Variants in PUDP observed in about 807,000 individuals in gnomAD.
The protein encoded by PUDP is pseudouridine-5'-phosphatase.
In PUDP, 8 loss-of-function variants were observed where a neutral mutation model predicts 9.4. The observed-to-expected ratio is 0.85, with a 90% CI of 0.50 to 1.53. PUDP has a LOEUF of 1.53. Among genes scored for constraint, PUDP ranks in the 40% most tolerant of loss-of-function variants. The pLI is 0.00. For missense variants in PUDP, 188 were observed against 189.7 expected, an observed-to-expected ratio of 0.99 and a Z score of 0.05; for synonymous variants, 99 against 80.7, an observed-to-expected ratio of 1.23 and a Z score of -1.22.
chrX:6,787,725 C>G (rs1378331802), intron 3 of PUDP, among the ~76,000 whole-genome samples: 1 of 112,158 alleles, frequency 8.9e-6, no homozygotes, highest in Admixed American at 9.5e-5. Context: ...TCATTAATTA[C>G]TTTCTTTTAA....
chrX:7,021,655 A>G (rs940723479), intron 1 of PUDP, among the ~76,000 whole-genome samples: 4 of 112,115 alleles, frequency 3.6e-5, no homozygotes, highest in African/African-American at 1.3e-4. Context: ...TATGGATATG[A>G]GTATGTCATA....
chrX:6,925,134 G>C (rs1177095992), intron 3 of PUDP, among the ~76,000 whole-genome samples: 1 of 112,430 alleles, frequency 8.9e-6, no homozygotes, highest in Non-Finnish European at 1.9e-5. Flanking sequence ...GGCCAACATA[G>C]CAAAACCTTG....
At chrX:6,737,505 A>G (rs1191092859) in intron 3 of PUDP, among the ~76,000 whole-genome samples, 2 of 106,726 alleles carry the variant, frequency 1.9e-5, no homozygotes, top group Non-Finnish European at 3.9e-5. Flanking sequence ...ACTCTGGGAG[A>G]GCTTTGCAGT....
At chrX:7,071,961 T>C (rs1334594515) in intron 3 of PUDP, among the ~76,000 whole-genome samples, 3 of 110,220 alleles carry the variant, frequency 2.7e-5, no homozygotes, top group African/African-American at 9.9e-5. Flanking sequence ...TCATCATCAT[T>C]ATTATATTTT....
chrX:6,751,438 C>T (rs5989496), intron 3 of PUDP, among the ~76,000 whole-genome samples: 54,709 of 110,015 alleles, frequency 0.5, 10,453 homozygotes, highest in African/African-American at 0.7. Flanking sequence ...GCACTAAGTT[C>T]TCACAATTGC....
chrX:6,785,753 A>C (rs1179881098), intron 3 of PUDP, among the ~76,000 whole-genome samples: 51 of 111,615 alleles, frequency 4.6e-4, no homozygotes. Context: ...TATCACCACT[A>C]CCAAAAAAAT....
intron 3 of PUDP, among the ~76,000 whole-genome samples, chrX:7,069,974 A>G (rs1183996241): frequency 3.6e-5 from 4 of 112,403 alleles, no homozygotes; most frequent in African/African-American, 1.3e-4. Flanking sequence ...CAAATCCGAA[A>G]TTCTAACTGC....
In PUDP at chrX:7,078,728, G is replaced by A. The variant is rs73459706; in HGVS notation, c.281-1279C>T. Among the ~76,000 whole-genome samples the A allele has an allele frequency of 9.4e-3, 1,060 of 112,307 alleles. 15 individuals carry two copies. The highest frequency in any genetic ancestry group is 0.032 in the African/African-American group (985 of 30,950). The stretch of plus-strand genomic sequence containing the variant: ...GAACACCTACAGTCATTCAGGATAA[G>A]GTAACAGATATCTGGAGCACCTGAC... On this transcript the variant is annotated intron_variant, in intron 2 of 3. Transcript: ENST00000381077.
At chrX:6,864,642 T>C (rs1927051731) in intron 3 of PUDP, among the ~76,000 whole-genome samples, 1 of 111,972 alleles carries the variant, frequency 8.9e-6, no homozygotes, top group Non-Finnish European at 1.9e-5. Flanking sequence ...AGTAAAGACG[T>C]TCATTCTGGA....
At chrX:7,052,394 C>T (rs938909032) in intron 3 of PUDP, among the ~76,000 whole-genome samples, 2 of 111,033 alleles carry the variant, frequency 1.8e-5, no homozygotes, top group African/African-American at 3.3e-5. Flanking sequence ...TATATAGCAG[C>T]GACTCAATGC....
chrX:6,714,219 C>A (rs903622657), intron 1 of PUDP, among the ~76,000 whole-genome samples: 1 of 111,852 alleles, frequency 8.9e-6, no homozygotes, highest in Admixed American at 9.6e-5. Flanking sequence ...TTTACATGAA[C>A]CATAGTATGT....
intron 1 of PUDP, among the ~76,000 whole-genome samples, chrX:7,128,084 C>G (rs971144950): frequency 1.8e-5 from 2 of 111,419 alleles, no homozygotes; most frequent in Admixed American, 9.5e-5. Flanking sequence ...CTCTGTTGCC[C>G]AGGCTGGAGT....
At chrX:6,772,413 A>G (rs1249617664) in intron 3 of PUDP, among the ~76,000 whole-genome samples, 1 of 110,914 alleles carries the variant, frequency 9.0e-6, no homozygotes, top group Non-Finnish European at 1.9e-5. Context: ...CAGCTCATCT[A>G]TAAACTCATA....
chrX:6,851,598 A>C (rs753824045), intron 3 of PUDP, among the ~76,000 whole-genome samples: 1 of 111,691 alleles, frequency 9.0e-6, no homozygotes, highest in Non-Finnish European at 1.9e-5. Context: ...AGTTACGATA[A>C]TTACAGGGCA....
intron 3 of PUDP, among the ~76,000 whole-genome samples, chrX:6,946,733 A>C (rs1300981313): frequency 1.8e-5 from 2 of 111,847 alleles, no homozygotes; most frequent in African/African-American, 6.5e-5. Flanking sequence ...ATCACAAAGC[A>C]GCGATTACAT....
intron 3 of PUDP, among the ~76,000 whole-genome samples, chrX:6,752,912 GTAAT>G (rs1925121041): frequency 8.9e-6 from 1 of 111,759 alleles, no homozygotes; most frequent in South Asian, 3.8e-4. Flanking sequence ...ATATATATGT[GTAAT>G]TAGTTAAATA....
intron 3 of PUDP, among the ~76,000 whole-genome samples, chrX:6,950,731 G>A (rs1928543362): frequency 1.8e-5 from 2 of 111,310 alleles, no homozygotes; most frequent in South Asian, 7.7e-4. Flanking sequence ...ATTTCTATTG[G>A]TTAGAAGTCA....
At chrX:7,112,275 T>G (rs1239293715) in intron 1 of PUDP, among the ~76,000 whole-genome samples, 1 of 112,115 alleles carries the variant, frequency 8.9e-6, no homozygotes, top group African/African-American at 3.2e-5. Context: ...TGATTACGGG[T>G]GCTGCCTGAG....
rs1194486390 is a variant in PUDP at position 6,982,425 on chromosome X, G to A, written c.205-4082C>T. Among the ~76,000 whole-genome samples the A allele has an allele frequency of 2.7e-5, 3 of 110,928 alleles. No homozygotes were observed. In the East Asian group the frequency reaches 8.6e-4, roughly 32 times the overall value. On this transcript the variant is annotated intron_variant and NMD_transcript_variant, in intron 1 of 3. Transcript: ENST00000655425. ...AGTGTAGGGGGCATGCTATTGGTTGGGGATGCCATCATAGGGGTGTGGTAA... is the reference window on the plus strand; with the variant it reads ...AGTGTAGGGGGCATGCTATTGGTTGAGGATGCCATCATAGGGGTGTGGTAA...
Sources: gnomAD v4.1 joint callset for allele counts (sites outside exome capture counted in the v4.1 genomes callset) on GRCh38, gnomAD v4.1.1 for gene constraint, MANE v1.5 for transcripts, NCBI Gene and HGNC (gene_info 2026-07-23, HGNC 2026-07-21) for gene names.